Variants in ZFAT observed in about 807,000 individuals in gnomAD.
ZFAT encodes the protein zinc finger and AT-hook domain containing.
In ZFAT, 64 loss-of-function variants were observed where a neutral mutation model predicts 117.7. The ratio of observed to expected loss-of-function variants is 0.54; its 90% CI spans 0.44 to 0.67. The LOEUF is 0.67. Ranked by LOEUF, ZFAT falls within the 30% of genes least tolerant of loss-of-function variation. The pLI is 0.00. For synonymous variants in ZFAT, 679 were observed against 615.0 expected, an observed-to-expected ratio of 1.10 and a Z score of -1.54; for missense variants, 1,433 against 1,584.5, an observed-to-expected ratio of 0.90 and a Z score of 1.62.
chr8:134,540,975 G>A (rs527361695), intron 11 of ZFAT, among the ~76,000 whole-genome samples: 1 of 152,280 alleles, frequency 6.6e-6, no homozygotes, highest in Admixed American at 6.5e-5. Context: ...AAGTGGCCCT[G>A]CCCACTGGCA....
chr8:134,710,296 T>G (rs769184063), intron 1 of ZFAT, among the ~76,000 whole-genome samples: 5 of 152,224 alleles, frequency 3.3e-5, no homozygotes, highest in Admixed American at 6.5e-5. Context: ...AGTATGCCTA[T>G]GACAGGAACT....
the ZFAT span, among the ~76,000 whole-genome samples, chr8:134,789,816 G>A: frequency 2.0e-5 from 3 of 152,158 alleles, no homozygotes; most frequent in Admixed American, 2.0e-4. Context: ...GTCAACTCTG[G>A]AAATTTCTTG....
chr8:134,522,258 C>T (rs926817567), intron 12 of ZFAT, among the ~76,000 whole-genome samples: 1 of 152,254 alleles, frequency 6.6e-6, no homozygotes, highest in African/African-American at 2.4e-5. Context: ...CCCTGCTACC[C>T]ACAGTGCCAG....
chr8:134,717,514 C>T (rs1299583465), upstream of ZFAT, among the ~76,000 whole-genome samples: 2 of 40,880 alleles, frequency 4.9e-5, no homozygotes, highest in Non-Finnish European at 1.1e-4. Context: ...GACGGAGTCT[C>T]ACTCTGTCGC....
chr8:134,522,694 T>C (rs1293000573), intron 12 of ZFAT, among the ~76,000 whole-genome samples: 1 of 152,170 alleles, frequency 6.6e-6, no homozygotes, highest in Non-Finnish European at 1.5e-5. Context: ...CCAGCCCTCC[T>C]TGCTCTGACC....
At chr8:134,635,923 C>A (rs1830184864) in intron 3 of ZFAT, among the ~76,000 whole-genome samples, 1 of 152,188 alleles carries the variant, frequency 6.6e-6, no homozygotes, top group Non-Finnish European at 1.5e-5. Context: ...ATTACTCAGG[C>A]TCCATTTAGG....
intron 1 of ZFAT, among the ~76,000 whole-genome samples, chr8:134,702,581 A>C (rs1187605363): frequency 1.3e-5 from 2 of 151,920 alleles, no homozygotes; most frequent in Non-Finnish European, 2.9e-5. Flanking sequence ...GCCTACCCCC[A>C]AGTAAAAAGT....
chr8:134,518,653 G>T (rs115363492), intron 13 of ZFAT, among the ~76,000 whole-genome samples: 1 of 151,546 alleles, frequency 6.6e-6, no homozygotes, highest in Non-Finnish European at 1.5e-5. Context: ...CTTTTATAAA[G>T]ATATTAATTT....
At chr8:134,662,215 A>G (rs1831968246) in intron 1 of ZFAT, among the ~76,000 whole-genome samples, 1 of 152,076 alleles carries the variant, frequency 6.6e-6, no homozygotes, top group African/African-American at 2.4e-5. Context: ...CAATAATTCC[A>G]TTCATGAAGG....
chr8:134,726,651 G>C, the ZFAT span, among the ~76,000 whole-genome samples: 2 of 152,152 alleles, frequency 1.3e-5, no homozygotes, highest in Non-Finnish European at 2.9e-5. Context: ...TTGGAGTGCA[G>C]TGCTGCGATC....
At chr8:134,818,468 G>A in the ZFAT span, among the ~76,000 whole-genome samples, 1 of 152,156 alleles carries the variant, frequency 6.6e-6, no homozygotes, top group Non-Finnish European at 1.5e-5. Flanking sequence ...TGCACCAAAT[G>A]ATAGCATAAT....
intron 11 of ZFAT, among the ~76,000 whole-genome samples, chr8:134,541,400 G>A (rs1477388824): frequency 1.3e-5 from 2 of 151,982 alleles, no homozygotes; most frequent in African/African-American, 4.8e-5. Flanking sequence ...CACTGCCTTG[G>A]GACTCTGCAG....
At chr8:134,632,208 T>TG (rs1829937122) in intron 3 of ZFAT, among the ~76,000 whole-genome samples, 1 of 152,214 alleles carries the variant, frequency 6.6e-6, no homozygotes, top group Admixed American at 6.5e-5. Flanking sequence ...ATCTTTATGA[T>TG]GATCCACTTC....
chr8:134,678,623 C>A (rs1376191341), intron 1 of ZFAT, among the ~76,000 whole-genome samples: 1 of 152,140 alleles, frequency 6.6e-6, no homozygotes, highest in Non-Finnish European at 1.5e-5. Flanking sequence ...AACCACATAG[C>A]CAAGACAATC....
chr8:134,817,984 C>T, the ZFAT span, among the ~76,000 whole-genome samples: 251 of 152,206 alleles, frequency 1.6e-3, no homozygotes, highest in African/African-American at 5.7e-3. Context: ...GTTTTCTATA[C>T]TCAAAACTTA....
intron 10 of ZFAT, among the ~76,000 whole-genome samples, chr8:134,568,784 G>A (rs1256396767): frequency 1.3e-5 from 2 of 152,128 alleles, no homozygotes; most frequent in African/African-American, 4.8e-5. Flanking sequence ...AACAGGCCTG[G>A]GAGGGCATCT....
chr8:134,620,359 C>T (rs1280367006), intron 3 of ZFAT, among the ~76,000 whole-genome samples: 5 of 152,180 alleles, frequency 3.3e-5, no homozygotes, highest in Admixed American at 1.3e-4. Flanking sequence ...TGCAGATGAA[C>T]GGCCCCACTC....
At chr8:134,730,556 G>A in the ZFAT span, among the ~76,000 whole-genome samples, 36 of 152,328 alleles carry the variant, frequency 2.4e-4, no homozygotes, top group African/African-American at 7.0e-4. Context: ...ATAAATAAAC[G>A]TCTCCATTCT....
intron 3 of ZFAT, among the ~76,000 whole-genome samples, chr8:134,620,769 C>T (rs1035804877): frequency 1.3e-5 from 2 of 152,162 alleles, no homozygotes; most frequent in Admixed American, 1.3e-4. Flanking sequence ...TCAGAGAAAA[C>T]CCGGTTGAGT....
Sources: gnomAD v4.1 joint callset for allele counts (sites outside exome capture counted in the v4.1 genomes callset) on GRCh38, gnomAD v4.1.1 for gene constraint, MANE v1.5 for transcripts, NCBI Gene and HGNC (gene_info 2026-07-23, HGNC 2026-07-21) for gene names.